CDC5L: variants seen among roughly 807,000 people sequenced by gnomAD.
CDC5L encodes the protein cell division cycle 5-like protein.
CDC5L carries 18 observed loss-of-function variants against 104.1 expected under a neutral mutation model. The observed-to-expected ratio is 0.17, with a 90% CI of 0.12 to 0.26. The LOEUF is 0.26. CDC5L is among the 10% of genes least tolerant of loss of function. The pLI is 1.00. For synonymous variants in CDC5L, 331 were observed against 322.7 expected, an observed-to-expected ratio of 1.03 and a Z score of -0.28; for missense variants, 673 against 956.9, an observed-to-expected ratio of 0.70 and a Z score of 3.91.
chr6:44,407,422 GT>G (rs1278594893), intron 7 of CDC5L, among the ~76,000 whole-genome samples: 2 of 151,792 alleles, frequency 1.3e-5, no homozygotes, highest in Non-Finnish European at 2.9e-5. Flanking sequence ...CGCCTTCCGC[GT>G]TCAAGCGATT....
intron 1 of CDC5L, among the ~76,000 whole-genome samples, chr6:44,389,541 G>A (rs1293699459): frequency 1.3e-5 from 2 of 152,160 alleles, no homozygotes; most frequent in Non-Finnish European, 2.9e-5. Context: ...CTTGAGGTTG[G>A]TGCATTCCAC....
intron 5 of CDC5L, among the ~76,000 whole-genome samples, chr6:44,397,910 A>G (rs1329309183): frequency 2.6e-5 from 4 of 152,230 alleles, no homozygotes; most frequent in Non-Finnish European, 5.9e-5. Context: ...TGATGTCACT[A>G]AAGGGCAAAT....
intron 8 of CDC5L, 105 bp downstream of exon 8, chr6:44,408,737 G>C: frequency 1.3e-6 from 1 of 759,326 alleles, no homozygotes; most frequent in Non-Finnish European, 2.0e-6. Flanking sequence ...TAGTGTAAAT[G>C]GTTTGAAACT....
chr6:44,442,612 CTG>C (rs1793255575), intron 14 of CDC5L, among the ~76,000 whole-genome samples: 1 of 151,986 alleles, frequency 6.6e-6, no homozygotes, highest in Non-Finnish European at 1.5e-5. Context: ...TTTTGTATTT[CTG>C]ATGTTATACT....
At chr6:44,396,181 G>A (rs564969644) in intron 4 of CDC5L, among the ~76,000 whole-genome samples, 160 bp from the exon 5 acceptor site, 31 of 152,162 alleles carry the variant, frequency 2.0e-4, no homozygotes, top group Non-Finnish European at 4.4e-4. Flanking sequence ...TAGGTTCTTT[G>A]ACTTCAAAAC....
At chr6:44,426,227 T>C in intron 12 of CDC5L, 44 bp downstream of exon 12, 1 of 1,359,948 alleles carries the variant, frequency 7.4e-7, no homozygotes, top group Non-Finnish European at 1.0e-6. Flanking sequence ...AAGTTTCTTT[T>C]TATATGATTG....
chr6:44,425,122 G>A (rs764901773), intron 11 of CDC5L, among the ~76,000 whole-genome samples: 6 of 152,056 alleles, frequency 3.9e-5, no homozygotes, highest in Admixed American at 1.3e-4. Context: ...TATCTTATAC[G>A]TAATTACTTT....
chr6:44,403,925 A>C lies in CDC5L; in HGVS notation c.656A>C (p.Lys219Thr), dbSNP rs1244322990. 1 of 1,613,818 alleles carries C rather than the reference A, an allele frequency of 6.2e-7. No homozygotes were observed. Among genetic ancestry groups the C allele is most frequent in the Admixed American group, 1.7e-5 (1 of 60,010 alleles). ...AATGCCGAAATCCCATTTGAAAAAA[A>C]GCCTGCCCTTGGTTTTTATGATACT... ...DYNAEIPFEK[K>T]PALGFYDTSE... Residue 219 changes from lysine to threonine, a missense_variant, in exon 6 of 16, where the codon AAG (lysine) becomes ACG (threonine). Around this residue, in one of 4 missense-constraint regions of CDC5L, gnomAD observed 578 missense variants for 737.0 expected, o/e 0.78. Transcript: ENST00000371477.
chr6:44,399,755 G>A (rs948966342), intron 5 of CDC5L, among the ~76,000 whole-genome samples: 3 of 152,062 alleles, frequency 2.0e-5, no homozygotes, highest in Non-Finnish European at 4.4e-5. Flanking sequence ...CCGGGTTCAC[G>A]CCATTTTCCT....
chr6:44,429,605 T>A, intron 13 of CDC5L, 108 bp from the exon 14 acceptor site: 1 of 882,172 alleles, frequency 1.1e-6, no homozygotes, highest in Non-Finnish European at 1.8e-6. Context: ...ACCAACCACA[T>A]CTTGGATTTG....
intron 14 of CDC5L, among the ~76,000 whole-genome samples, chr6:44,443,203 G>T (rs1224785090): frequency 6.7e-6 from 1 of 149,284 alleles, no homozygotes; most frequent in East Asian, 2.0e-4. Context: ...GGCCTGAAAG[G>T]TTTCTGCTGA....
At position 44,393,652 on chromosome 6, in the gene CDC5L, ACTC is replaced by A. The variant is rs753268454; in HGVS notation, c.439+83_439+85del. ...CCTCACTCTTTTAGTTCCTTTCTGA[ACTC>A]CTCTACTTTAGAATCCCTTTTTTTT... On this transcript the variant is annotated intron_variant, in intron 4 of 15. Transcript: ENST00000371477. The A allele has an allele frequency of 6.6e-4, 921 of 1,397,714 alleles. 2 individuals carry two copies. The highest frequency in any genetic ancestry group is 7.9e-4 in the Non-Finnish European group (814 of 1,033,356). 86.6% of individuals were successfully genotyped at this position (1,397,714 alleles called of 1,614,324 possible). A position where few individuals can be genotyped will look rare whatever the true frequency, so the allele number is the denominator to read the frequency against.
At chr6:44,436,252 A>C (rs1792932986) in intron 14 of CDC5L, among the ~76,000 whole-genome samples, 1 of 152,216 alleles carries the variant, frequency 6.6e-6, no homozygotes, top group African/African-American at 2.4e-5. Flanking sequence ...GTTTGATACT[A>C]TGAGGTATTA....
chr6:44,393,343 T>G (rs1790705618), intron 3 of CDC5L, 103 bp from the exon 4 acceptor site: 1 of 1,031,264 alleles, frequency 9.7e-7, no homozygotes, highest in Non-Finnish European at 1.4e-6. Context: ...AGCCCATCCA[T>G]TGGTTTTTTT....
chr6:44,393,652 A>G, intron 4 of CDC5L, 79 bp downstream of exon 4: 1 of 1,397,832 alleles, frequency 7.2e-7, no homozygotes, highest in Admixed American at 2.2e-5. Flanking sequence ...TCCTTTCTGA[A>G]CTCCTCTACT....
intron 1 of CDC5L, 115 bp downstream of exon 1, chr6:44,387,983 A>G: frequency 1.1e-6 from 1 of 948,640 alleles, no homozygotes; most frequent in Non-Finnish European, 1.6e-6. Context: ...CGTGGAGGGC[A>G]GCCCGGGGGC....
At chr6:44,395,185 G>C (rs1444247686) in intron 4 of CDC5L, among the ~76,000 whole-genome samples, 1 of 152,144 alleles carries the variant, frequency 6.6e-6, no homozygotes, top group Non-Finnish European at 1.5e-5. Flanking sequence ...AAAGAAATAA[G>C]TTATAATGTT....
At chr6:44,441,067 G>C (rs1314522062) in intron 14 of CDC5L, among the ~76,000 whole-genome samples, 1 of 152,150 alleles carries the variant, frequency 6.6e-6, no homozygotes. Flanking sequence ...ACCATGCTAT[G>C]TAATAGATCA....
At chr6:44,426,337 G>A (rs1404656821) in intron 12 of CDC5L, 145 bp from the exon 13 acceptor site, 1 of 756,780 alleles carries the variant, frequency 1.3e-6, no homozygotes, top group African/African-American at 1.8e-5. Context: ...AAATGTTTCA[G>A]TAGTACCAGA....
Sources: allele counts gnomAD v4.1 joint callset (sites outside exome capture counted in the v4.1 genomes callset), GRCh38; gene constraint gnomAD v4.1.1; regional missense constraint gnomAD v4.1.1; transcripts MANE v1.5; gene names NCBI Gene and HGNC (gene_info 2026-07-23, HGNC 2026-07-21).